The following DSC3 variants were observed in gnomAD, a reference collection of about 807,000 sequenced individuals.
The protein encoded by DSC3 is desmocollin-3.
DSC3 carries 97 observed loss-of-function variants against 89.5 expected under a neutral mutation model. The observed-to-expected ratio is 1.08, with a 90% CI of 0.92 to 1.28. The LOEUF is 1.28. Among genes scored for constraint, DSC3 ranks in the 50% most tolerant of loss-of-function variants. The pLI is 0.00. For synonymous variants in DSC3, 436 were observed against 384.1 expected (o/e 1.14, Z -1.58); for missense variants, 1,199 against 1,085.3 (o/e 1.10, Z -1.47).
chr18:31,034,196 AAGAT>A (rs1985898096), intron 1 of DSC3, among the ~76,000 whole-genome samples: 2 of 152,216 alleles, frequency 1.3e-5, no homozygotes, highest in African/African-American at 4.8e-5. Context: ...CAATAATAAA[AAGAT>A]AAATAACACA....
intron 7 of DSC3, among the ~76,000 whole-genome samples, chr18:31,021,081 T>G (rs1354066218): frequency 2.0e-5 from 3 of 151,988 alleles, no homozygotes; most frequent in Admixed American, 2.0e-4. Flanking sequence ...CTCCCATCAT[T>G]TTTACTTCTC....
At chr18:31,041,504 G>C (rs947824273) in intron 1 of DSC3, among the ~76,000 whole-genome samples, 1 of 152,160 alleles carries the variant, frequency 6.6e-6, no homozygotes. Context: ...AGGGTGGAGG[G>C]CCAGGAAGCA....
intron 6 of DSC3, among the ~76,000 whole-genome samples, chr18:31,023,927 C>T (rs114263223): frequency 0.011 from 1,712 of 152,124 alleles, 34 homozygotes; most frequent in African/African-American, 0.039. Flanking sequence ...ATAAAAAAAA[C>T]TGTACCCTTA....
chr18:31,004,249 C>G lies in DSC3; in HGVS notation c.2006G>C (p.Cys669Ser), dbSNP rs756506802. Reference protein sequence around the residue: ...AATKLLRVNLCECTHPTQCRA... With the variant: ...AATKLLRVNLSECTHPTQCRA... ...ACACTGAGTTGGATGAGTACATTCA[C>G]ACAGATTAACTCTCAATAATTTTGT... Residue 669 changes from cysteine (C) to serine (S), a missense_variant, in exon 13 of 16, where the codon TGT (cysteine) becomes TCT (serine). By Grantham distance (112) the Cys-to-Ser change is moderately radical. Coordinates refer to ENST00000360428, the MANE Select transcript of DSC3 (RefSeq NM_001941.5). 3 of 1,614,006 alleles carry G rather than the reference C, an allele frequency of 1.9e-6. No homozygotes were observed. In the Admixed American group the frequency reaches 5.0e-5, roughly 27 times the overall value.
chr18:31,000,143 G>A (rs1041226802), intron 14 of DSC3, among the ~76,000 whole-genome samples: 6 of 152,224 alleles, frequency 3.9e-5, no homozygotes, highest in Middle Eastern at 3.4e-3. Flanking sequence ...GAGTTGAAGA[G>A]AGAAATAGTG....
intron 9 of DSC3, among the ~76,000 whole-genome samples, chr18:31,013,181 G>C (rs1012651708): frequency 6.6e-6 from 1 of 152,082 alleles, no homozygotes. Context: ...CGGTACAAAA[G>C]AGAATGTCAA....
intron 15 of DSC3, among the ~76,000 whole-genome samples, chr18:30,995,711 C>A (rs1789069): frequency 6.6e-6 from 1 of 151,880 alleles, no homozygotes; most frequent in African/African-American, 2.4e-5. Context: ...GTGGCTCATG[C>A]GTATAATCCC....
chr18:31,030,902 T>G, intron 3 of DSC3, 71 bp downstream of exon 3: 2 of 1,397,800 alleles, frequency 1.4e-6, no homozygotes, highest in Non-Finnish European at 2.0e-6. Context: ...TATCCTTGTT[T>G]CTCTTTGCAA....
intron 1 of DSC3, among the ~76,000 whole-genome samples, chr18:31,040,239 G>T (rs146977156): frequency 2.0e-5 from 3 of 151,944 alleles, no homozygotes; most frequent in Admixed American, 1.3e-4. Flanking sequence ...TGGATTAGCC[G>T]TGTCCAAGTA....
At chr18:31,036,824 G>C (rs1482995547) in intron 1 of DSC3, among the ~76,000 whole-genome samples, 1 of 41,220 alleles carries the variant, frequency 2.4e-5, no homozygotes, top group African/African-American at 9.4e-5. Flanking sequence ...ATGGAATCTT[G>C]CTCTGTGGCC....
chr18:31,005,780 G>A (rs570193757), intron 12 of DSC3, among the ~76,000 whole-genome samples: 1 of 152,248 alleles, frequency 6.6e-6, no homozygotes, highest in East Asian at 1.9e-4. Context: ...AATACAACAG[G>A]AAAGGCACTG....
rs1466603851 is a variant in DSC3 at position 31,008,412 on chromosome 18, T to C, written c.1377A>G (p.Thr459=). ...RVTALNRALV[T]VHVRDLDEGP... ...CCTCATCCAGATCCCTCACATGAAC[T>C]GTAACCAAGGCTCTGTTCAAGGCTG... The change falls in exon 10 of 16, where the codon ACA becomes ACG. Residue 459 remains threonine, a synonymous_variant. Coordinates refer to ENST00000360428, the MANE Select transcript of DSC3 (RefSeq NM_001941.5). 6.2e-7 allele frequency: 1 copy of C among 1,614,198 alleles called. No homozygotes were observed. Among genetic ancestry groups the C allele is most frequent in the Admixed American group, 1.7e-5 (1 of 60,018 alleles).
In DSC3 at chr18:31,001,706, C is replaced by T; in HGVS notation, c.2147G>A (p.Gly716Asp). 6.2e-7 allele frequency: 1 copy of T among 1,608,256 alleles called. No individual in the cohort carries two copies. The highest frequency in any genetic ancestry group is 1.1e-5 in the South Asian group (1 of 89,366). Residue 716 changes from glycine (G) to aspartate (D), a missense_variant, in exon 14 of 16, where the codon GGT becomes GAT. Physicochemically the swap from Gly to Asp is moderately conservative, Grantham distance 94 (BLOSUM62 -1). Coordinates refer to ENST00000360428, the MANE Select transcript of DSC3 (RefSeq NM_001941.5). ...AGGAAAACGTTTCCCTTTAGTTGCA[C>T]CAAAAACTCCACATACTAAAGTTAG... ...VLLTLVCGVFGATKGKRFPED... is the reference protein window; with the variant it reads ...VLLTLVCGVFDATKGKRFPED...
Position 31,018,170 on chromosome 18 carries a change from A to G in DSC3, c.1164T>C (p.Asn388=), listed in dbSNP as rs540933093. ...IEDKDLINTA[N]WRVNFTILKG... The stretch of plus-strand genomic sequence containing the variant: ...TTAAAATGGTAAAATTGACTCTCCA[A>G]TTGGCAGTGTTAATTAAATCCTTAT... Residue 388 remains asparagine, a synonymous_variant, in exon 9 of 16, where the codon AAT becomes AAC. Coordinates refer to ENST00000360428, the MANE Select transcript of DSC3 (RefSeq NM_001941.5). 1.3e-4 allele frequency: 207 copies of G among 1,612,256 alleles called. No homozygotes were observed. The highest frequency in any genetic ancestry group is 1.5e-4 in the Non-Finnish European group (181 of 1,179,012).
intron 7 of DSC3, among the ~76,000 whole-genome samples, chr18:31,019,769 G>A (rs773574813): frequency 1.3e-5 from 2 of 152,102 alleles, no homozygotes; most frequent in African/African-American, 2.4e-5. Context: ...CAGCCTGAGC[G>A]ACAGAGCTAG....
intron 15 of DSC3, among the ~76,000 whole-genome samples, chr18:30,995,627 AT>A (rs1345298799): frequency 6.6e-6 from 1 of 152,220 alleles, no homozygotes; most frequent in Non-Finnish European, 1.5e-5. Flanking sequence ...AATTCATTAA[AT>A]TAGAATCTTT....
chr18:31,041,826 G>A lies in DSC3; in HGVS notation c.69+766C>T, dbSNP rs528758873. On this transcript the variant is annotated intron_variant, in intron 1 of 15. Coordinates refer to ENST00000360428, the MANE Select transcript of DSC3 (RefSeq NM_001941.5). ...GTGCTCCGGCCGCGCAGTCCTCCCC[G>A]GAGCCGGAGTAAGTACGACGCAACC... is the stretch of plus-strand genomic sequence containing the variant. Among the ~76,000 whole-genome samples, 33 of 152,056 alleles carry A rather than the reference G, an allele frequency of 2.2e-4. 1 individual carries two copies. The highest frequency in any genetic ancestry group is 4.3e-4 in the Non-Finnish European group (29 of 68,024).
intron 14 of DSC3, among the ~76,000 whole-genome samples, chr18:30,999,363 A>G (rs1318733219): frequency 6.6e-6 from 1 of 152,184 alleles, no homozygotes; most frequent in Non-Finnish European, 1.5e-5. Flanking sequence ...AGAAAAAAAG[A>G]ATTGAAAAGT....
At position 30,991,634 on chromosome 18, in the gene DSC3, C is replaced by G. The variant is rs1413417089; in HGVS notation, c.*2541G>C. 6.6e-6 allele frequency: 1 copy of G among 152,052 alleles called. No individual in the cohort carries two copies. Among genetic ancestry groups the G allele is most frequent in the Non-Finnish European group, 1.5e-5 (1 of 68,004 alleles). 9.4% of individuals were successfully genotyped at this position (152,052 alleles called of 1,614,324 possible). A position where few individuals can be genotyped will look rare whatever the true frequency, so the allele number is the denominator to read the frequency against. On this transcript the variant is annotated 3_prime_UTR_variant, in exon 16 of 16. Coordinates refer to ENST00000360428, the MANE Select transcript of DSC3 (RefSeq NM_001941.5). ...TTTGATCGGTGAGTGAGGGAGTGAG[C>G]AAAACACAGTGGGTGTTTCAGTAGC...
Sources: gnomAD v4.1 joint callset for allele counts (sites outside exome capture counted in the v4.1 genomes callset) on GRCh38, gnomAD v4.1.1 for gene constraint, MANE v1.5 for transcripts, NCBI Gene and HGNC (gene_info 2026-07-23, HGNC 2026-07-21) for gene names.